The following NCAPD3 variants were observed in gnomAD, a reference collection of about 807,000 sequenced individuals.
NCAPD3 encodes condensin-2 complex subunit D3.
NCAPD3 carries 105 observed loss-of-function variants against 182.9 expected under a neutral mutation model. The ratio of observed to expected loss-of-function variants is 0.57; its 90% CI spans 0.49 to 0.68. NCAPD3 has a LOEUF of 0.68. NCAPD3 is among the 30% of genes least tolerant of loss of function. The pLI is 0.00. For missense variants in NCAPD3, 1,944 were observed against 1,837.0 expected (o/e 1.06, Z -1.07); for synonymous variants, 815 against 679.9 (o/e 1.20, Z -3.09).
In NCAPD3 at chr11:134,201,158, G is replaced by A. The variant is rs144112343; in HGVS notation, c.1615+1658C>T. On this transcript the variant is annotated intron_variant, in intron 13 of 34. Coordinates refer to ENST00000534548, the MANE Select transcript of NCAPD3 (RefSeq NM_015261.3). ...TCCTGCCTCTGCCTCCTCATAGCTGGGACTACAGGTGTGTGCCACCACGCC... is the reference window on the plus strand; with the variant it reads ...TCCTGCCTCTGCCTCCTCATAGCTGAGACTACAGGTGTGTGCCACCACGCC... 5.1e-3 allele frequency among the ~76,000 whole-genome samples: 775 copies of A among 152,056 alleles called. 8 individuals are homozygous for A. The highest frequency in any genetic ancestry group is 0.018 in the African/African-American group (733 of 41,456).
chr11:134,179,580 T>C (rs1018826318), intron 20 of NCAPD3, among the ~76,000 whole-genome samples: 1 of 152,246 alleles, frequency 6.6e-6, no homozygotes, highest in African/African-American at 2.4e-5. Flanking sequence ...TGTGTATCCT[T>C]AGATACTGCT....
At chr11:134,208,003 C>T (rs896095975) in intron 7 of NCAPD3, among the ~76,000 whole-genome samples, 4 of 152,038 alleles carry the variant, frequency 2.6e-5, no homozygotes, top group East Asian at 1.9e-4. Context: ...TGTGACAAAT[C>T]GATAAAGAAG....
At position 134,153,518 on chromosome 11, in the gene NCAPD3, T is replaced by C. The variant is rs1424746342; in HGVS notation, c.4253-155A>G. 5.4e-6 allele frequency: 4 copies of C among 739,038 alleles called. No homozygotes were observed. In the Admixed American group the frequency reaches 6.3e-5, roughly 12 times the overall value. 45.8% of individuals were successfully genotyped at this position (739,038 alleles called of 1,614,324 possible). On this transcript the variant is annotated intron_variant, in intron 32 of 34. Transcript: ENST00000534548. ...GACCCTGTCCCAGGGCCTGGCAGTGTTGAGGGCCCCTCCTGGGGATGCTCC... is the reference window on the plus strand; with the variant it reads ...GACCCTGTCCCAGGGCCTGGCAGTGCTGAGGGCCCCTCCTGGGGATGCTCC...
chr11:134,183,935 C>G (rs1458475139), intron 19 of NCAPD3, among the ~76,000 whole-genome samples: 1 of 152,166 alleles, frequency 6.6e-6, no homozygotes, highest in Non-Finnish European at 1.5e-5. Context: ...TTTTTGTTTT[C>G]TATAGCCATT....
At chr11:134,201,093 C>T (rs1451549311) in intron 13 of NCAPD3, among the ~76,000 whole-genome samples, 2 of 149,606 alleles carry the variant, frequency 1.3e-5, no homozygotes, top group Admixed American at 6.7e-5. Context: ...GGCGCAATCT[C>T]GGCTCACTGC....
At position 134,220,717 on chromosome 11, in the gene NCAPD3, T is replaced by C; in HGVS notation, c.74A>G (p.Asp25Gly). ...CPLDLRLEWV[D>G]TVWELDFTET... ...TGTGAAATCCAGTTCCCACACTGTG[T>C]CAACCCATTCTAGGGGAAAATGCAA... Residue 25 changes from aspartate (D) to glycine (G), a missense_variant, in exon 2 of 35, where the codon GAC becomes GGC. Asp to Gly is a moderately conservative substitution (Grantham distance 94, BLOSUM62 -1). Coordinates refer to ENST00000534548, the MANE Select transcript of NCAPD3 (RefSeq NM_015261.3). 6.2e-7 allele frequency: 1 copy of C among 1,613,002 alleles called. No individual in the cohort carries two copies.
intron 15 of NCAPD3, 69 bp from the exon 16 acceptor site, chr11:134,192,978 G>C: frequency 2.2e-6 from 2 of 907,530 alleles, no homozygotes; most frequent in Admixed American, 4.1e-5. Context: ...TCAACATTTT[G>C]AGATGTTAAA....
chr11:134,210,190 C>G, intron 4 of NCAPD3, 80 bp downstream of exon 4: 1 of 1,280,660 alleles, frequency 7.8e-7, no homozygotes, highest in Non-Finnish European at 1.1e-6. Context: ...TGCCTGAAAC[C>G]ATGTTTAGTA....
rs372722015 is a variant in NCAPD3 at position 134,208,966 on chromosome 11, C to T, written c.795-15G>A. 4.9e-5 allele frequency: 75 copies of T among 1,535,538 alleles called. No individual in the cohort carries two copies. The highest frequency in any genetic ancestry group is 5.8e-5 in the Non-Finnish European group (65 of 1,119,792). The stretch of plus-strand genomic sequence containing the variant: ...GGTTAAGAGCTCTAAAAAAAAAAGA[C>T]GAAATATTAGTTAATGGATATGATT... On this transcript the variant is annotated splice_polypyrimidine_tract_variant and intron_variant, in intron 6 of 34. Transcript: ENST00000534548.
intron 7 of NCAPD3, 67 bp downstream of exon 7, chr11:134,208,797 T>A: frequency 1.9e-6 from 2 of 1,044,566 alleles, no homozygotes; most frequent in Non-Finnish European, 2.9e-6. Flanking sequence ...TTTTAACATA[T>A]TTCCATCATA....
In NCAPD3 at chr11:134,177,420, CTT is replaced by C. The variant is rs1944197431; in HGVS notation, c.2818_2819del (p.Lys940GlufsTer13). 6.2e-7 allele frequency: 1 copy of C among 1,614,040 alleles called. No homozygotes were observed. Among genetic ancestry groups the C allele is most frequent in the Non-Finnish European group, 8.5e-7 (1 of 1,179,976 alleles). On this transcript the variant is annotated frameshift_variant, in exon 23 of 35. Transcript: ENST00000534548. LOFTEE classifies it high-confidence loss of function. ...LCLQHEDLAKKSIPALVRELE... is the reference protein window; with the variant it reads ...LCLQHEDLAKXSIPALVRELE... Reference sequence around the variant, plus strand: ...GCTCTCGCACCAGGGCTGGGATGCTCTTCTTTGCCAGATCCTCGTGCTGTAAG... The same window carrying C: ...GCTCTCGCACCAGGGCTGGGATGCTCCTTTGCCAGATCCTCGTGCTGTAAG...
chr11:134,161,056 AGT>A (rs1181734503), intron 28 of NCAPD3, among the ~76,000 whole-genome samples: 3 of 151,934 alleles, frequency 2.0e-5, no homozygotes, highest in African/African-American at 7.3e-5. Context: ...TTGGCTTCCT[AGT>A]ATAAAAAGCT....
chr11:134,162,956 G>A (rs964304475), intron 27 of NCAPD3, among the ~76,000 whole-genome samples: 7 of 152,170 alleles, frequency 4.6e-5, no homozygotes, highest in Non-Finnish European at 1.0e-4. Context: ...TCCTGAGGAT[G>A]TGTGGAGAAG....
intron 23 of NCAPD3, among the ~76,000 whole-genome samples, chr11:134,176,965 T>C (rs1944184014): frequency 6.6e-6 from 1 of 152,212 alleles, no homozygotes; most frequent in Non-Finnish European, 1.5e-5. Context: ...TTTCTCTACA[T>C]GGTACTTATT....
At position 134,151,166 on chromosome 11, in the gene NCAPD3, C is replaced by G. The variant is rs927282352; in HGVS notation, c.*1778G>C. 6.6e-6 allele frequency: 1 copy of G among 152,252 alleles called. No individual in the cohort carries two copies. The highest frequency in any genetic ancestry group is 2.4e-5 in the African/African-American group (1 of 41,448). 9.4% of individuals were successfully genotyped at this position (152,252 alleles called of 1,614,324 possible). On this transcript the variant is annotated 3_prime_UTR_variant, in exon 35 of 35. Coordinates refer to ENST00000534548, the MANE Select transcript of NCAPD3 (RefSeq NM_015261.3). Reference sequence around the variant, plus strand: ...CACCTTGTCTTTCAGCTTCCAGTGTCTTGGGTTTTTTATACTTTGACAGCT... The same window carrying G: ...CACCTTGTCTTTCAGCTTCCAGTGTGTTGGGTTTTTTATACTTTGACAGCT...
chr11:134,189,856 A>G (rs1368288515), intron 16 of NCAPD3, among the ~76,000 whole-genome samples: 1 of 152,140 alleles, frequency 6.6e-6, no homozygotes, highest in East Asian at 1.9e-4. Context: ...TCTATTTGAT[A>G]CGGCCTTCTT....
At chr11:134,162,050 T>C (rs1476420845) in intron 27 of NCAPD3, among the ~76,000 whole-genome samples, 159 bp from the exon 28 acceptor site, 1 of 152,236 alleles carries the variant, frequency 6.6e-6, no homozygotes, top group Non-Finnish European at 1.5e-5. Flanking sequence ...TGCTTTTCTC[T>C]GGGAGACTTT....
At chr11:134,194,955 A>G (rs1167195934) in intron 13 of NCAPD3, among the ~76,000 whole-genome samples, 2 of 152,236 alleles carry the variant, frequency 1.3e-5, no homozygotes, top group Non-Finnish European at 2.9e-5. Context: ...TTTGGTTTTA[A>G]ATCTCAGCCC....
At chr11:134,177,484 C>T in intron 22 of NCAPD3, 27 bp from the exon 23 acceptor site, 1 of 1,573,962 alleles carries the variant, frequency 6.4e-7, no homozygotes, top group Non-Finnish European at 8.7e-7. Context: ...GAAGATGTCT[C>T]AACTGTATTC....
Sources: gnomAD v4.1 joint callset for allele counts (sites outside exome capture counted in the v4.1 genomes callset) on GRCh38, gnomAD v4.1.1 for gene constraint, MANE v1.5 for transcripts, NCBI Gene and HGNC (gene_info 2026-07-23, HGNC 2026-07-21) for gene names.